The following NREP variants were observed in gnomAD, a reference collection of about 807,000 sequenced individuals.
NREP encodes the protein neuronal regeneration-related protein.
A neutral mutation model predicts 8.6 loss-of-function variants in NREP; 5 were observed. That is an observed-to-expected ratio of 0.58 (90% confidence interval 0.30 to 1.22). The LOEUF (loss-of-function observed/expected upper bound fraction) is 1.22, where lower values mean the gene tolerates loss of function less well. Ranked by LOEUF, NREP falls within the 50% of genes most tolerant of loss-of-function variation. The probability of loss-of-function intolerance (pLI) is 0.07; values close to 1 mark genes in which losing one functional copy is unlikely to be tolerated. For missense variants in NREP, 86 were observed against 82.5 expected (o/e 1.04, Z -0.17); for synonymous variants, 27 against 28.0 (o/e 0.96, Z 0.11).
At chr5:111,821,238 T>C (rs542006067) in intron 2 of NREP, among the ~76,000 whole-genome samples, 1 of 152,336 alleles carries the variant, frequency 6.6e-6, no homozygotes, top group Admixed American at 6.5e-5. Flanking sequence ...TTCTTTGTTA[T>C]ATTATTTTTG....
At chr5:111,747,723 C>T (rs1409580414) in intron 2 of NREP, among the ~76,000 whole-genome samples, 2 of 152,172 alleles carry the variant, frequency 1.3e-5, no homozygotes, top group South Asian at 4.1e-4. Context: ...TTTCATGCCA[C>T]GTTCTCTTAT....
At chr5:111,855,709 A>C (rs920879307) in intron 2 of NREP, among the ~76,000 whole-genome samples, 10 of 152,138 alleles carry the variant, frequency 6.6e-5, no homozygotes, top group African/African-American at 2.2e-4. Context: ...TTTCATTAAT[A>C]TTTAAGAAGC....
At chr5:111,881,381 G>C (rs1015866193) in intron 2 of NREP, among the ~76,000 whole-genome samples, 1 of 152,210 alleles carries the variant, frequency 6.6e-6, no homozygotes, top group Admixed American at 6.5e-5. Context: ...GCCTCTGTAG[G>C]CTTCACCTCT....
rs372931840 is a variant in NREP at position 111,730,944 on chromosome 5, T to C, written c.184A>G (p.Ile62Val). 1.2e-6 allele frequency: 2 copies of C among 1,613,874 alleles called. No homozygotes were observed. The highest frequency in any genetic ancestry group is 1.7e-6 in the Non-Finnish European group (2 of 1,179,828). Residue 62 changes from isoleucine (I) to valine (V), a missense_variant, in exon 4 of 4, where the codon ATC becomes GTC. Coordinates refer to ENST00000257435, the MANE Select transcript of NREP (RefSeq NM_004772.4). ...LGSSELRSPR[I>V]SYLHFF ...GATTAAAAAAAGTGGAGGTAACTGA[T>C]TCTTGGGGAGCGGAGTTCACTGCTG...
chr5:111,854,718 G>T (rs1753387959), intron 2 of NREP, among the ~76,000 whole-genome samples: 1 of 152,060 alleles, frequency 6.6e-6, no homozygotes, highest in Admixed American at 6.6e-5. Context: ...ACATGAAAAT[G>T]AATAATAAAA....
At chr5:111,761,754 G>A (rs1750964510), upstream of NREP, among the ~76,000 whole-genome samples, 1 of 152,088 alleles carries the variant, frequency 6.6e-6, no homozygotes, top group African/African-American at 2.4e-5. Context: ...GTGACGCCAA[G>A]GAATAGATTC....
intron 2 of NREP, among the ~76,000 whole-genome samples, chr5:111,828,887 T>C (rs1324303848): frequency 2.0e-5 from 3 of 152,304 alleles, no homozygotes; most frequent in South Asian, 4.1e-4. Flanking sequence ...GGTCACAGCC[T>C]GGTGGACAGC....
intron 2 of NREP, among the ~76,000 whole-genome samples, chr5:111,798,751 G>A (rs1751931169): frequency 1.3e-5 from 1 of 77,992 alleles, no homozygotes; most frequent in Non-Finnish European, 2.6e-5. Flanking sequence ...GTGTGTGTGT[G>A]TGTGTGTGTG....
intron 2 of NREP, among the ~76,000 whole-genome samples, chr5:111,956,172 C>T (rs1251583670): frequency 1.3e-5 from 2 of 152,020 alleles, no homozygotes; most frequent in African/African-American, 4.8e-5. Context: ...CAACCCAGGA[C>T]AGACACAAGG....
At chr5:111,878,489 T>A (rs1265488261) in intron 2 of NREP, among the ~76,000 whole-genome samples, 2 of 152,180 alleles carry the variant, frequency 1.3e-5, no homozygotes, top group Admixed American at 1.3e-4. Flanking sequence ...GCATCCATGA[T>A]TCAATCACCT....
intron 2 of NREP, among the ~76,000 whole-genome samples, chr5:111,916,752 T>A (rs1450942127): frequency 6.6e-6 from 1 of 152,164 alleles, no homozygotes; most frequent in Non-Finnish European, 1.5e-5. Context: ...TTAAATGAGT[T>A]ACTACTTGTA....
At chr5:111,810,726 GTGAA>G (rs1314433956) in intron 2 of NREP, among the ~76,000 whole-genome samples, 1 of 152,144 alleles carries the variant, frequency 6.6e-6, no homozygotes, top group Non-Finnish European at 1.5e-5. Flanking sequence ...ACTACAAAAA[GTGAA>G]TGAGCATCTT....
At chr5:111,765,358 C>T (rs756559431) in intron 2 of NREP, among the ~76,000 whole-genome samples, 7 of 152,160 alleles carry the variant, frequency 4.6e-5, no homozygotes, top group Admixed American at 6.5e-5. Flanking sequence ...TAGACCAGTA[C>T]CAGTCTGCAC....
intron 3 of NREP, chr5:111,733,164 A>G (rs1224682912): frequency 6.6e-6 from 1 of 152,078 alleles, no homozygotes; most frequent in Non-Finnish European, 1.5e-5. Context: ...TTAATTATTC[A>G]TTTTCTGAGT....
chr5:111,958,335 T>C (rs1756385716), intron 2 of NREP, among the ~76,000 whole-genome samples: 1 of 151,780 alleles, frequency 6.6e-6, no homozygotes, highest in Non-Finnish European at 1.5e-5. Flanking sequence ...TCCCATCTAA[T>C]GCAATAAGAG....
chr5:111,827,884 C>G (rs995179181), intron 2 of NREP, among the ~76,000 whole-genome samples: 1 of 152,072 alleles, frequency 6.6e-6, no homozygotes, highest in Non-Finnish European at 1.5e-5. Flanking sequence ...AACAAAAAAC[C>G]TATGTACTCT....
chr5:111,826,130 C>A (rs757866131), intron 2 of NREP, among the ~76,000 whole-genome samples: 3 of 152,086 alleles, frequency 2.0e-5, no homozygotes, highest in African/African-American at 4.8e-5. Flanking sequence ...ACTTGGAGAA[C>A]TTTTATGTCT....
intron 2 of NREP, among the ~76,000 whole-genome samples, chr5:111,787,443 T>G (rs1295837024): frequency 6.6e-6 from 1 of 152,212 alleles, no homozygotes; most frequent in Non-Finnish European, 1.5e-5. Context: ...TAAATGCATC[T>G]TTGAAATCCA....
chr5:111,749,194 C>T (rs1294272821), intron 2 of NREP, among the ~76,000 whole-genome samples: 1 of 152,052 alleles, frequency 6.6e-6, no homozygotes, highest in Non-Finnish European at 1.5e-5. Flanking sequence ...AGAAATAAAA[C>T]TTTGGAAGTT....
Sources: gnomAD v4.1 joint callset for allele counts (sites outside exome capture counted in the v4.1 genomes callset) on GRCh38, gnomAD v4.1.1 for gene constraint, MANE v1.5 for transcripts, NCBI Gene and HGNC (gene_info 2026-07-23, HGNC 2026-07-21) for gene names.